The following LUZP2 variants were observed in gnomAD, a reference collection of about 807,000 sequenced individuals.
LUZP2 encodes the protein leucine zipper protein 2.
Under a neutral mutation model 51.6 loss-of-function variants are expected in LUZP2, and 52 were observed. The ratio of observed to expected loss-of-function variants is 1.01; its 90% CI spans 0.81 to 1.27. The LOEUF (loss-of-function observed/expected upper bound fraction) is 1.27, where lower values mean the gene tolerates loss of function less well. Among genes scored for constraint, LUZP2 ranks in the 50% most tolerant of loss-of-function variants. The pLI is 0.00. For missense variants in LUZP2, 436 were observed against 395.4 expected (o/e 1.10, Z -0.87); for synonymous variants, 154 against 137.3 (o/e 1.12, Z -0.85).
chr11:24,980,010 C>A (rs1420740586), intron 8 of LUZP2, among the ~76,000 whole-genome samples: 1 of 151,710 alleles, frequency 6.6e-6, no homozygotes, highest in African/African-American at 2.4e-5. Flanking sequence ...TACATGGGAC[C>A]TGAATATCAC....
intron 5 of LUZP2, among the ~76,000 whole-genome samples, chr11:24,814,865 G>A (rs1038978639): frequency 3.3e-5 from 5 of 151,986 alleles, no homozygotes; most frequent in African/African-American, 9.7e-5. Flanking sequence ...GGCGGTGTGC[G>A]CCTGTAGTCC....
At chr11:24,537,182 A>C (rs11027991) in intron 1 of LUZP2, among the ~76,000 whole-genome samples, 21,734 of 151,892 alleles carry the variant, frequency 0.14, 1,658 homozygotes, top group South Asian at 0.2. Flanking sequence ...GTGAGAATTA[A>C]CCAAAGTGTG....
At chr11:25,008,921 G>T (rs1329843249) in intron 9 of LUZP2, among the ~76,000 whole-genome samples, 1 of 152,186 alleles carries the variant, frequency 6.6e-6, no homozygotes, top group Non-Finnish European at 1.5e-5. Flanking sequence ...TCTCACTCTG[G>T]TAGTAGGCTC....
At chr11:24,752,360 C>T (rs1357239011) in intron 4 of LUZP2, among the ~76,000 whole-genome samples, 2 of 152,084 alleles carry the variant, frequency 1.3e-5, no homozygotes, top group African/African-American at 4.8e-5. Flanking sequence ...TTGTTCTATA[C>T]ATATAAACTG....
chr11:24,785,646 T>C (rs529584968), intron 5 of LUZP2, among the ~76,000 whole-genome samples: 1 of 152,074 alleles, frequency 6.6e-6, no homozygotes, highest in East Asian at 1.9e-4. Flanking sequence ...AATAATAACA[T>C]GTTATTATAA....
intron 1 of LUZP2, among the ~76,000 whole-genome samples, chr11:24,628,914 A>C (rs1284234551): frequency 6.6e-6 from 1 of 152,110 alleles, no homozygotes; most frequent in Admixed American, 6.6e-5. Context: ...GTGTGAATAC[A>C]TACATATACA....
chr11:25,027,542 A>G (rs948632104), intron 9 of LUZP2, among the ~76,000 whole-genome samples: 4 of 152,100 alleles, frequency 2.6e-5, no homozygotes, highest in Admixed American at 6.5e-5. Context: ...TACGAACTCT[A>G]TCAGTTATTA....
intron 6 of LUZP2, among the ~76,000 whole-genome samples, chr11:24,911,486 G>T (rs1411823071): frequency 6.6e-6 from 1 of 152,152 alleles, no homozygotes; most frequent in Non-Finnish European, 1.5e-5. Context: ...ACTTGATAGT[G>T]AGTGAGTTCT....
intron 9 of LUZP2, among the ~76,000 whole-genome samples, chr11:25,000,644 G>A (rs1053181392): frequency 2.0e-5 from 3 of 152,204 alleles, no homozygotes; most frequent in Non-Finnish European, 4.4e-5. Context: ...AACTCCAGAG[G>A]TTGGTATAAG....
At chr11:24,968,639 G>T (rs574545125) in intron 7 of LUZP2, among the ~76,000 whole-genome samples, 41 of 152,214 alleles carry the variant, frequency 2.7e-4, no homozygotes, top group African/African-American at 9.6e-4. Flanking sequence ...AGCCAAGGAT[G>T]TACAGGAACA....
chr11:24,505,566 C>T (rs180902216), intron 1 of LUZP2, among the ~76,000 whole-genome samples: 1 of 152,180 alleles, frequency 6.6e-6, no homozygotes, highest in East Asian at 1.9e-4. Flanking sequence ...TTTACCCTAC[C>T]AGATTGTACA....
At chr11:25,043,810 G>A (rs1234153755) in intron 9 of LUZP2, among the ~76,000 whole-genome samples, 1 of 147,124 alleles carries the variant, frequency 6.8e-6, no homozygotes, top group Non-Finnish European at 1.5e-5. Context: ...GTCACATTAT[G>A]TAAAAAGTAC....
intron 6 of LUZP2, among the ~76,000 whole-genome samples, chr11:24,913,818 T>G (rs796502351): frequency 1.3e-5 from 2 of 152,088 alleles, no homozygotes; most frequent in South Asian, 2.1e-4. Context: ...ATATTTAATG[T>G]TAGTAATTGG....
chr11:25,018,206 G>A (rs1857220016), intron 9 of LUZP2, among the ~76,000 whole-genome samples: 1 of 151,988 alleles, frequency 6.6e-6, no homozygotes, highest in Non-Finnish European at 1.5e-5. Flanking sequence ...GAGTCTTTTG[G>A]AGGCATCTTT....
chr11:24,962,487 C>G (rs1855443542), intron 7 of LUZP2, among the ~76,000 whole-genome samples: 1 of 152,084 alleles, frequency 6.6e-6, no homozygotes, highest in African/African-American at 2.4e-5. Flanking sequence ...TTTCTCTAAA[C>G]TTCCCTTCTT....
chr11:24,922,837 CTTTTTTTTTTTTTTTTTTTT>C (rs749672583), intron 7 of LUZP2, among the ~76,000 whole-genome samples: 1 of 47,320 alleles, frequency 2.1e-5, no homozygotes, highest in South Asian at 6.5e-4. Context: ...TTTTTTTTTT[CTTTTTTTTTTTTTTTTTTTT>C]TTTTTTTTTT....
At chr11:25,002,606 G>A (rs374106201) in intron 9 of LUZP2, among the ~76,000 whole-genome samples, 3 of 152,194 alleles carry the variant, frequency 2.0e-5, no homozygotes, top group African/African-American at 7.2e-5. Flanking sequence ...CACTAAGATG[G>A]CCACCACCGC....
intron 4 of LUZP2, among the ~76,000 whole-genome samples, chr11:24,758,324 C>T (rs968833489): frequency 6.1e-5 from 9 of 148,120 alleles, no homozygotes; most frequent in East Asian, 2.0e-4. Flanking sequence ...GAATGACTTG[C>T]GTGTGTGTGT....
chr11:24,997,157 T>C (rs1446660636), intron 9 of LUZP2, among the ~76,000 whole-genome samples: 1 of 150,330 alleles, frequency 6.7e-6, no homozygotes, highest in East Asian at 2.0e-4. Context: ...CTGGGTCAAA[T>C]GGTATTTCTA....
Sources: allele counts gnomAD v4.1 joint callset (sites outside exome capture counted in the v4.1 genomes callset), GRCh38; gene constraint gnomAD v4.1.1; transcripts MANE v1.5; gene names NCBI Gene and HGNC (gene_info 2026-07-23, HGNC 2026-07-21).